Variants in TULP3 observed in about 807,000 individuals in gnomAD.
The protein encoded by TULP3 is TUB like protein 3.
In TULP3, 38 loss-of-function variants were observed where a neutral mutation model predicts 50.7. The observed-to-expected ratio is 0.75, with a 90% CI of 0.58 to 0.98. TULP3 has a LOEUF of 0.98. Among genes scored for constraint, TULP3 ranks in the 50% least tolerant of loss-of-function variants. The pLI is 0.00. For missense variants in TULP3, 550 were observed against 568.0 expected (o/e 0.97, Z 0.32); for synonymous variants, 183 against 196.6 (o/e 0.93, Z 0.58).
chr12:2,927,105 T>C (rs1311096103), intron 4 of TULP3, among the ~76,000 whole-genome samples: 1 of 151,646 alleles, frequency 6.6e-6, no homozygotes, highest in African/African-American at 2.4e-5. Context: ...TTCTGGACAT[T>C]TCATATTGAT....
At chr12:2,917,883 AAAAG>A (rs2098189619) in intron 2 of TULP3, among the ~76,000 whole-genome samples, 1 of 151,584 alleles carries the variant, frequency 6.6e-6, no homozygotes, top group Non-Finnish European at 1.5e-5. Context: ...TCTCAAAAAA[AAAAG>A]AAAATATTTT....
At chr12:2,899,339 A>G in intron 1 of TULP3, among the ~76,000 whole-genome samples, 1 of 102,218 alleles carries the variant, frequency 9.8e-6, no homozygotes, top group African/African-American at 4.5e-5. Context: ...GAGCGAAACG[A>G]CGTCTCAAAA....
intron 4 of TULP3, among the ~76,000 whole-genome samples, chr12:2,924,676 G>C (rs1172828342): frequency 6.7e-6 from 1 of 149,722 alleles, no homozygotes; most frequent in Non-Finnish European, 1.5e-5. Context: ...ATGAAACCAT[G>C]TCTTTAAAAA....
At chr12:2,896,738 GATATGAAACTC>G (rs2098175770) in intron 1 of TULP3, among the ~76,000 whole-genome samples, 1 of 152,118 alleles carries the variant, frequency 6.6e-6, no homozygotes, top group African/African-American at 2.4e-5. Flanking sequence ...TTTACAGAGA[GATATGAAACTC>G]ATATGAAAGG....
chr12:2,925,412 A>G (rs992202698), intron 4 of TULP3, among the ~76,000 whole-genome samples: 2 of 152,276 alleles, frequency 1.3e-5, no homozygotes, highest in Admixed American at 6.5e-5. Context: ...TGCTAGGGCA[A>G]TGAGAAGAGA....
At chr12:2,907,970 C>T (rs1432072915) in intron 1 of TULP3, among the ~76,000 whole-genome samples, 1 of 151,998 alleles carries the variant, frequency 6.6e-6, no homozygotes, top group Non-Finnish European at 1.5e-5. Context: ...ACATGAAGGT[C>T]ATGAGTGAAT....
At chr12:2,903,688 A>C (rs997177476) in intron 1 of TULP3, among the ~76,000 whole-genome samples, 2 of 152,200 alleles carry the variant, frequency 1.3e-5, no homozygotes, top group East Asian at 3.8e-4. Flanking sequence ...ATTTTAAAAA[A>C]TCTTTTTAGA....
At chr12:2,911,685 T>A (rs2098185729) in intron 2 of TULP3, among the ~76,000 whole-genome samples, 1 of 52,386 alleles carries the variant, frequency 1.9e-5, no homozygotes, top group Non-Finnish European at 3.5e-5. Flanking sequence ...TTTTTTTTTT[T>A]TTTTTTTTTT....
At chr12:2,910,419 C>G (rs142936021) in intron 2 of TULP3, among the ~76,000 whole-genome samples, 11 of 152,324 alleles carry the variant, frequency 7.2e-5, no homozygotes, top group African/African-American at 2.6e-4. Context: ...CAGAAGTTCT[C>G]AGCACAGTGC....
chr12:2,924,690 A>T (rs540905588), intron 4 of TULP3, among the ~76,000 whole-genome samples: 166 of 135,710 alleles, frequency 1.2e-3, no homozygotes, highest in African/African-American at 1.9e-3. Context: ...TTAAAAATTA[A>T]AAAAAAAAAA....
intron 1 of TULP3, among the ~76,000 whole-genome samples, chr12:2,898,713 A>T (rs1463182023): frequency 6.6e-6 from 1 of 152,016 alleles, no homozygotes; most frequent in Non-Finnish European, 1.5e-5. Context: ...ACAGGTTCTC[A>T]CTATGTGCCC....
intron 4 of TULP3, among the ~76,000 whole-genome samples, chr12:2,923,364 G>A (rs2098192863): frequency 6.6e-6 from 1 of 152,128 alleles, no homozygotes; most frequent in Admixed American, 6.5e-5. Flanking sequence ...TATTTAGAAA[G>A]TATGTTTTGG....
Position 2,890,959 on chromosome 12 carries a change from G to C in TULP3, c.12G>C (p.Ser4=), listed in dbSNP as rs1466715861. Residue 4 remains serine (S), a synonymous_variant, in exon 1 of 11, where the codon TCG becomes TCC. Transcript: ENST00000448120. ...CCTCGGTGGCGGGCATGGAGGCTTC[G>C]CGCTGCCGGCTCAGTCCCAGCGGCG... is the stretch of plus-strand genomic sequence containing the variant. MEA[S]RCRLSPSGDS... is the part of the protein sequence containing the mutation. 6.3e-7 allele frequency: 1 copy of C among 1,596,292 alleles called. No individual in the cohort carries two copies. Among genetic ancestry groups the C allele is most frequent in the Non-Finnish European group, 8.5e-7 (1 of 1,171,828 alleles).
At chr12:2,893,327 GT>G (rs36190881) in intron 1 of TULP3, among the ~76,000 whole-genome samples, 279 of 128,146 alleles carry the variant, frequency 2.2e-3, no homozygotes, top group African/African-American at 5.7e-3. Flanking sequence ...TGTTTAATGT[GT>G]TTTTTTTTTT....
Position 2,922,268 on chromosome 12 carries a change from A to G in TULP3, c.260A>G (p.Asp87Gly), listed in dbSNP as rs753421907. Residue 87 changes from aspartate to glycine, a missense_variant, in exon 4 of 11, where the codon GAT (aspartate) becomes GGT (glycine). Physicochemically the swap from Asp to Gly is moderately conservative, Grantham distance 94. Transcript: ENST00000448120. Reference sequence around the variant, plus strand: ...ATTTTATTTTGGCCCTTAGGTATTGATGGTCCAGCTGCTGTCCTGAAACCA... The same window carrying G: ...ATTTTATTTTGGCCCTTAGGTATTGGTGGTCCAGCTGCTGTCCTGAAACCA... ...PHSNVILHGIDGPAAVLKPDE... is the reference protein window; with the variant it reads ...PHSNVILHGIGGPAAVLKPDE... The G allele has an allele frequency of 2.3e-5, 37 of 1,611,088 alleles. 1 individual carries two copies. The South Asian group carries it at 4.0e-4, about 17-fold the overall frequency.
chr12:2,905,242 G>C (rs971113926), intron 1 of TULP3, among the ~76,000 whole-genome samples: 6 of 148,526 alleles, frequency 4.0e-5, no homozygotes, highest in African/African-American at 1.5e-4. Flanking sequence ...CTGGAGTGCA[G>C]TGGCGTGATC....
At chr12:2,938,354 C>G (rs1003032318) in intron 10 of TULP3, 69 bp downstream of exon 10, 2 of 1,507,908 alleles carry the variant, frequency 1.3e-6, no homozygotes, top group Non-Finnish European at 1.8e-6. Context: ...AATGCACATT[C>G]CCTGTACATG....
At chr12:2,909,812 A>G (rs2098184425) in intron 2 of TULP3, among the ~76,000 whole-genome samples, 1 of 152,236 alleles carries the variant, frequency 6.6e-6, no homozygotes, top group Non-Finnish European at 1.5e-5. Flanking sequence ...CCTTGGATTT[A>G]CAATCACCAA....
rs949852618 is a variant in TULP3 at position 2,931,090 on chromosome 12, G to A, written c.546G>A (p.Leu182=). 1.2e-5 allele frequency: 20 copies of A among 1,613,978 alleles called. No individual in the cohort carries two copies. The highest frequency in any genetic ancestry group is 4.0e-5 in the African/African-American group (3 of 74,896). ...CCGCCCAACCAGCTGATAACCTCCTGGGAGACATAGACGACCTGGAGGACT... is the reference window on the plus strand; with the variant it reads ...CCGCCCAACCAGCTGATAACCTCCTAGGAGACATAGACGACCTGGAGGACT... The part of the protein sequence containing the change: ...ATAAQPADNL[L]GDIDDLEDFV... The change falls in exon 6 of 11, where the codon CTG becomes CTA. Residue 182 remains leucine (L), a synonymous_variant. Coordinates refer to ENST00000448120, the MANE Select transcript of TULP3 (RefSeq NM_003324.5).
Sources: allele counts gnomAD v4.1 joint callset (sites outside exome capture counted in the v4.1 genomes callset), GRCh38; gene constraint gnomAD v4.1.1; transcripts MANE v1.5; gene names NCBI Gene and HGNC (gene_info 2026-07-23, HGNC 2026-07-21).